The following TBC1D30 variants were observed in gnomAD, a reference collection of about 807,000 sequenced individuals.
The protein encoded by TBC1D30 is TBC1 domain family member 30, also known as TBC1 domain family, member 30.
TBC1D30 carries 31 observed loss-of-function variants against 63.2 expected under a neutral mutation model. The ratio of observed to expected loss-of-function variants is 0.49; its 90% CI spans 0.37 to 0.66. The LOEUF (loss-of-function observed/expected upper bound fraction) is 0.66. Among genes scored for constraint, TBC1D30 ranks in the 30% least tolerant of loss-of-function variants. The pLI, the probability that TBC1D30 is intolerant of heterozygous loss-of-function variation, is 0.00. For synonymous variants in TBC1D30, 307 were observed against 361.5 expected (o/e 0.85, Z 1.71); for missense variants, 810 against 953.6 (o/e 0.85, Z 1.98).
rs187617519 is a variant in TBC1D30 at position 64,789,997 on chromosome 12, G to A, written c.643+3952G>A. 4.6e-4 allele frequency among the ~76,000 whole-genome samples: 70 copies of A among 152,298 alleles called. No homozygotes were observed. In the South Asian group the frequency reaches 5.0e-3, roughly 11 times the overall value. ...AGAAAGGTTAAGTAATTTGGCAAGCGTCACACAGCTGGTAAGTATTTGAGA... is the reference window on the plus strand; with the variant it reads ...AGAAAGGTTAAGTAATTTGGCAAGCATCACACAGCTGGTAAGTATTTGAGA... On this transcript the variant is annotated intron_variant, in intron 2 of 12. Coordinates refer to the TBC1D30 transcript ENST00000542120.
chr12:64,851,949 C>T (rs1876910254), intron 8 of TBC1D30, among the ~76,000 whole-genome samples: 2 of 152,154 alleles, frequency 1.3e-5, no homozygotes, highest in South Asian at 4.2e-4. Flanking sequence ...CTGCCCTTAA[C>T]ATTTTTTCCT....
chr12:64,763,800 T>G (rs1870609097), intron 1 of TBC1D30, among the ~76,000 whole-genome samples: 1 of 151,878 alleles, frequency 6.6e-6, no homozygotes, highest in Non-Finnish European at 1.5e-5. Flanking sequence ...GTAGAGACAG[T>G]GTTTCACCAT....
exon 1 of TBC1D30, chr12:64,781,085 A>C (rs1256840254): frequency 2.0e-6 from 2 of 1,008,836 alleles, no homozygotes; most frequent in East Asian, 2.2e-4. Context: ...GTACAGCTGC[A>C]CAGAGGAGGA....
intron 1 of TBC1D30, among the ~76,000 whole-genome samples, chr12:64,763,755 T>C (rs567984245): frequency 9.3e-4 from 141 of 152,104 alleles, no homozygotes; most frequent in Non-Finnish European, 1.8e-3. Context: ...ATTACAGGTG[T>C]ACACCACCAC....
exon 1 of TBC1D30, chr12:64,780,902 G>A (rs981898231): frequency 9.7e-7 from 1 of 1,032,706 alleles, no homozygotes; most frequent in Non-Finnish European, 1.2e-6. Flanking sequence ...GGAGAGTCAG[G>A]AGGAAGAAAC....
intron 8 of TBC1D30, among the ~76,000 whole-genome samples, chr12:64,860,763 G>A (rs2136450206): frequency 6.6e-6 from 1 of 152,296 alleles, no homozygotes; most frequent in African/African-American, 2.4e-5. Flanking sequence ...TTAGAGAGAG[G>A]AAACTATGAG....
At chr12:64,765,605 G>A (rs1870684009) in intron 1 of TBC1D30, among the ~76,000 whole-genome samples, 1 of 151,058 alleles carries the variant, frequency 6.6e-6, no homozygotes, top group Non-Finnish European at 1.5e-5. Context: ...TAAATGACAG[G>A]GATGAAGAAG....
At chr12:64,801,454 G>T (rs1231563283) in intron 2 of TBC1D30, among the ~76,000 whole-genome samples, 3 of 152,188 alleles carry the variant, frequency 2.0e-5, no homozygotes, top group African/African-American at 7.2e-5. Context: ...ACAGGAAAGG[G>T]ACTGCTTGGG....
At chr12:64,819,716 T>C (rs112179197), upstream of TBC1D30, among the ~76,000 whole-genome samples, 3,686 of 152,276 alleles carry the variant, frequency 0.024, 67 homozygotes, top group Middle Eastern at 0.051. Flanking sequence ...CCTACTTTAG[T>C]AGGTCTGAGG....
At chr12:64,796,374 G>T (rs1384959008) in intron 2 of TBC1D30, among the ~76,000 whole-genome samples, 1 of 151,892 alleles carries the variant, frequency 6.6e-6, no homozygotes, top group Non-Finnish European at 1.5e-5. Flanking sequence ...GGAGTTTTTT[G>T]TTTGTTTTCT....
At chr12:64,856,144 A>G (rs1377781660) in intron 8 of TBC1D30, among the ~76,000 whole-genome samples, 1 of 148,988 alleles carries the variant, frequency 6.7e-6, no homozygotes, top group Non-Finnish European at 1.5e-5. Flanking sequence ...TAGCCAGAGC[A>G]GGAGGAAGAG....
At chr12:64,850,938 C>T (rs1876817557) in intron 8 of TBC1D30, among the ~76,000 whole-genome samples, 1 of 152,088 alleles carries the variant, frequency 6.6e-6, no homozygotes, top group Non-Finnish European at 1.5e-5. Context: ...ATTACTGCCT[C>T]AATTTCAGAA....
At chr12:64,819,603 G>C (rs1446849261) in intron 2 of TBC1D30, among the ~76,000 whole-genome samples, 4 of 151,840 alleles carry the variant, frequency 2.6e-5, no homozygotes, top group Admixed American at 2.6e-4. Flanking sequence ...TTTTAGTAGA[G>C]ATGGGGTTTC....
intron 1 of TBC1D30, 23 bp from the exon 2 acceptor site, chr12:64,827,812 C>G: frequency 6.8e-7 from 1 of 1,473,486 alleles, no homozygotes. Flanking sequence ...AAAATAACAT[C>G]TATTTATGTA....
intron 1 of TBC1D30, among the ~76,000 whole-genome samples, chr12:64,781,701 T>TC (rs1453402112): frequency 6.6e-6 from 1 of 151,164 alleles, no homozygotes; most frequent in Non-Finnish European, 1.5e-5. Context: ...CTTTTTTTTT[T>TC]TTTGTTTTTT....
chr12:64,858,861 G>A lies in TBC1D30; in HGVS notation c.1039-5807G>A, dbSNP rs77554894. Among the ~76,000 whole-genome samples the A allele has an allele frequency of 3.7e-3, 566 of 152,296 alleles. 1 individual carries two copies. Among genetic ancestry groups the A allele is most frequent in the Middle Eastern group, 0.02 (6 of 294 alleles). On this transcript the variant is annotated intron_variant, in intron 8 of 11. Coordinates refer to ENST00000539867, the MANE Select transcript of TBC1D30 (RefSeq NM_015279.2). ...AGCACAGTGTGGGGAGTGCGTCGAG[G>A]GAGGTGTGCAGAGGGGCTGGGGGCT...
intron 3 of TBC1D30, 85 bp downstream of exon 3, chr12:64,828,594 A>T (rs996853468): frequency 6.7e-5 from 58 of 869,408 alleles, no homozygotes; most frequent in Non-Finnish European, 9.6e-5. Context: ...AATATATTCT[A>T]GGTTTAGTTA....
chr12:64,766,496 G>A, intron 1 of TBC1D30, among the ~76,000 whole-genome samples: 1 of 152,214 alleles, frequency 6.6e-6, no homozygotes, highest in African/African-American at 2.4e-5. Flanking sequence ...CCATCAGGAA[G>A]ATATAACAAT....
chr12:64,816,035 C>CTTTT (rs11338586), intron 2 of TBC1D30, among the ~76,000 whole-genome samples: 1 of 143,356 alleles, frequency 7.0e-6, no homozygotes, highest in African/African-American at 2.6e-5. Flanking sequence ...GTTCAGAATA[C>CTTTT]TTTTTTTTTT....
Sources: gnomAD v4.1 joint callset for allele counts (sites outside exome capture counted in the v4.1 genomes callset) on GRCh38, gnomAD v4.1.1 for gene constraint, MANE v1.5 for transcripts, NCBI Gene and HGNC (gene_info 2026-07-23, HGNC 2026-07-21) for gene names.